Variants in PEX19 observed in about 807,000 individuals in gnomAD.
The protein encoded by PEX19 is 33 kDa housekeeping protein.
PEX19 carries 29 observed loss-of-function variants against 36.3 expected under a neutral mutation model. That is an observed-to-expected ratio of 0.80 (90% CI 0.60 to 1.09). PEX19 has a LOEUF of 1.09. Ranked by LOEUF, PEX19 falls within the 50% of genes least tolerant of loss-of-function variation. The pLI is 0.00. For synonymous variants in PEX19, 141 were observed against 135.2 expected, an observed-to-expected ratio of 1.04 and a Z score of -0.30; for missense variants, 396 against 368.1, an observed-to-expected ratio of 1.08 and a Z score of -0.62.
In PEX19 at chr1:160,279,490, G is replaced by T. The variant is rs936894572; in HGVS notation, c.*61C>A. On this transcript the variant is annotated 3_prime_UTR_variant, in exon 8 of 8. Transcript: ENST00000368072. ...TGACACTCCTGCCTCAGGTCCCAAT[G>T]GTTCTGCTGACTCCAGATGTTCCCC... 9 of 1,362,882 alleles carry T rather than the reference G, an allele frequency of 6.6e-6. No individual in the cohort carries two copies. Among genetic ancestry groups the T allele is most frequent in the Middle Eastern group, 2.2e-4 (1 of 4,622 alleles). 84.4% of individuals were successfully genotyped at this position (1,362,882 alleles called of 1,614,324 possible).
intron 5 of PEX19, among the ~76,000 whole-genome samples, chr1:160,281,749 AGAC>A (rs1290433888): frequency 2.0e-5 from 3 of 152,358 alleles, no homozygotes; most frequent in African/African-American, 7.2e-5. Flanking sequence ...AAGATTGATC[AGAC>A]AACAATCCCA....
In PEX19 at chr1:160,282,103, C is replaced by T. The variant is rs754784813; in HGVS notation, c.530G>A (p.Ser177Asn). 6.2e-7 allele frequency: 1 copy of T among 1,613,986 alleles called. No individual in the cohort carries two copies. Reference protein sequence around the residue: ...GEGNILPIMQSIMQNLLSKDV... With the variant: ...GEGNILPIMQNIMQNLLSKDV... Reference sequence around the variant, plus strand: ...CTTGGAGAGTAGGTTCTGCATAATACTCTGCATGATGGGGAGGATGTTCCC... The same window carrying T: ...CTTGGAGAGTAGGTTCTGCATAATATTCTGCATGATGGGGAGGATGTTCCC... The change falls in exon 5 of 8, where the codon AGT becomes AAT. Residue 177 changes from serine (S) to asparagine (N), a missense_variant. Physicochemically the swap from Ser to Asn is conservative, Grantham distance 46. Coordinates refer to ENST00000368072, the MANE Select transcript of PEX19 (RefSeq NM_002857.4).
At position 160,278,447 on chromosome 1, in the gene PEX19, C is replaced by T. The variant is rs1446519582; in HGVS notation, c.*1104G>A. ...CTAATATACCTCACTCTGCAACTTA[C>T]GGAAGCTGAGGAAGATCAGAAAAAG... On this transcript the variant is annotated 3_prime_UTR_variant, in exon 8 of 8. Coordinates refer to ENST00000368072, the MANE Select transcript of PEX19 (RefSeq NM_002857.4). 1.2e-5 allele frequency: 7 copies of T among 573,000 alleles called. No homozygotes were observed. Among genetic ancestry groups the T allele is most frequent in the African/African-American group, 3.7e-5 (2 of 54,006 alleles). 35.5% of individuals were successfully genotyped at this position (573,000 alleles called of 1,614,324 possible).
Position 160,283,010 on chromosome 1 carries a change from A to C in PEX19, c.280T>G (p.Leu94Val). ...TAEFEKAMKELAEEEPHLVEQ... is the reference protein window; with the variant it reads ...TAEFEKAMKEVAEEEPHLVEQ... The stretch of plus-strand genomic sequence containing the variant: ...ACCAGGTGGGGTTCTTCCTCAGCCA[A>C]CTCCTTCATTGCCTTCTCGAACTCC... The change falls in exon 3 of 8, where the codon TTG becomes GTG. Residue 94 changes from leucine (L) to valine (V), a missense_variant. Leu to Val is a conservative substitution (Grantham distance 32, BLOSUM62 1). Coordinates refer to ENST00000368072, the MANE Select transcript of PEX19 (RefSeq NM_002857.4). 2.5e-6 allele frequency: 4 copies of C among 1,613,884 alleles called. No homozygotes were observed. Among genetic ancestry groups the C allele is most frequent in the Non-Finnish European group, 3.4e-6 (4 of 1,179,960 alleles).
rs773981843 is a variant in PEX19 at position 160,278,889 on chromosome 1, G to A, written c.*662C>T. 5 of 454,068 alleles carry A rather than the reference G, an allele frequency of 1.1e-5. No homozygotes were observed. Among genetic ancestry groups the A allele is most frequent in the African/African-American group, 2.0e-5 (1 of 50,134 alleles). The allele number at this position is 454,068 out of a possible 1,614,324, so 28.1% of individuals were successfully genotyped here. On this transcript the variant is annotated 3_prime_UTR_variant, in exon 8 of 8. Transcript: ENST00000368072. The stretch of plus-strand genomic sequence containing the variant: ...CCCATATCACACAGCATTGTAGGAA[G>A]AAGCAGGGTAACCATTTGAGTTCTC...
intron 5 of PEX19, 140 bp from the exon 6 acceptor site, chr1:160,280,386 G>A: frequency 1.3e-6 from 1 of 796,054 alleles, no homozygotes. Context: ...ATCATGAAAA[G>A]CGGCACTGAC....
Position 160,280,148 on chromosome 1 carries a change from C to T in PEX19, c.693G>A (p.Gln231=), listed in dbSNP as rs761428198. ...QHSVMCKICE[Q]FEAETPTDSE... ...TGTCTGTGGGGGTCTCTGCCTCAAA[C>T]TGCTCACATATTTTGCACATGACGC... The change falls in exon 6 of 8, where the codon CAG becomes CAA. Residue 231 remains glutamine, a synonymous_variant. Transcript: ENST00000368072. The T allele has an allele frequency of 1.2e-6, 2 of 1,613,902 alleles. No individual in the cohort carries two copies. Among genetic ancestry groups the T allele is most frequent in the Non-Finnish European group, 1.7e-6 (2 of 1,179,892 alleles).
chr1:160,284,314 C>G, intron 1 of PEX19: 1 of 398,656 alleles, frequency 2.5e-6, no homozygotes, highest in South Asian at 1.9e-5. Context: ...CGTGATTGAG[C>G]AAGCGATTAC....
In PEX19 at chr1:160,277,767, GT is replaced by G. The variant is rs1319009099; in HGVS notation, c.*1783del. On this transcript the variant is annotated 3_prime_UTR_variant, in exon 8 of 8. Coordinates refer to ENST00000368072, the MANE Select transcript of PEX19 (RefSeq NM_002857.4). The stretch of plus-strand genomic sequence containing the variant: ...CCCTCCTCCTCTCTATCCTTGTCCA[GT>G]TTTTGGCTGGAGCTTTAAGGAGAAA... 1 of 474,246 alleles carries G rather than the reference GT, an allele frequency of 2.1e-6. No individual in the cohort carries two copies. Among genetic ancestry groups the G allele is most frequent in the Non-Finnish European group, 4.2e-6 (1 of 240,702 alleles). The allele number at this position is 474,246 out of a possible 1,614,324, so 29.4% of individuals were successfully genotyped here.
In PEX19 at chr1:160,285,046, G is replaced by T. The variant is rs367604409; in HGVS notation, c.70+9C>A. On this transcript the variant is annotated intron_variant, in intron 1 of 7. Coordinates refer to ENST00000368072, the MANE Select transcript of PEX19 (RefSeq NM_002857.4). Reference sequence around the variant, plus strand: ...CCCTCTTCGGGCCTTTCCCACTATGGGCTCTTACTTTCCAGAAGCTCCTCC... The same window carrying T: ...CCCTCTTCGGGCCTTTCCCACTATGTGCTCTTACTTTCCAGAAGCTCCTCC... The T allele has an allele frequency of 6.9e-6, 11 of 1,604,956 alleles. No homozygotes were observed. Among genetic ancestry groups the T allele is most frequent in the Admixed American group, 1.7e-5 (1 of 59,986 alleles).
intron 5 of PEX19, 51 bp from the exon 6 acceptor site, chr1:160,280,297 G>T: frequency 6.8e-7 from 1 of 1,477,162 alleles, no homozygotes; most frequent in Non-Finnish European, 9.5e-7. Context: ...AATGGATATG[G>T]ATGGGTAATC....
chr1:160,282,696 A>T, intron 3 of PEX19, 194 bp from the exon 4 acceptor site: 1 of 676,812 alleles, frequency 1.5e-6, no homozygotes, highest in Non-Finnish European at 2.6e-6. Flanking sequence ...TTTATTCTCC[A>T]TGATGATACC....
rs115571640 is a variant in PEX19, at chr1:160,281,884, C to A, written c.594+155G>T. Reference sequence around the variant, plus strand: ...TTTATTCTCTCAGAGACACAACTCTCCCCAACCCCCAACTCTCCCTGCCTC... The same window carrying A: ...TTTATTCTCTCAGAGACACAACTCTACCCAACCCCCAACTCTCCCTGCCTC... On this transcript the variant is annotated intron_variant, in intron 5 of 7. Coordinates refer to ENST00000368072, the MANE Select transcript of PEX19 (RefSeq NM_002857.4). Among the ~76,000 whole-genome samples the A allele has an allele frequency of 0.029, 4,353 of 152,206 alleles. 206 individuals carry two copies. The highest frequency in any genetic ancestry group is 0.1 in the African/African-American group (4,145 of 41,494).
In PEX19 at chr1:160,279,257, A is replaced by G. The variant is rs1224116484; in HGVS notation, c.*294T>C. On this transcript the variant is annotated 3_prime_UTR_variant, in exon 8 of 8. Coordinates refer to ENST00000368072, the MANE Select transcript of PEX19 (RefSeq NM_002857.4). ...ATATAACATTATTTTGAGAAAGGAAAGAAAGTGCATGCCCCAAAAGGGATG... is the reference window on the plus strand; with the variant it reads ...ATATAACATTATTTTGAGAAAGGAAGGAAAGTGCATGCCCCAAAAGGGATG... 1 of 578,914 alleles carries G rather than the reference A, an allele frequency of 1.7e-6. No homozygotes were observed. Among genetic ancestry groups the G allele is most frequent in the Non-Finnish European group, 3.2e-6 (1 of 308,210 alleles). 35.9% of individuals were successfully genotyped at this position (578,914 alleles called of 1,614,324 possible).
chr1:160,282,447 A>G lies in PEX19; in HGVS notation c.402T>C (p.Ser134=), dbSNP rs139828188. The G allele has an allele frequency of 7.6e-4, 1,222 of 1,614,128 alleles. No individual in the cohort carries two copies. Among genetic ancestry groups the G allele is most frequent in the Non-Finnish European group, 9.8e-4 (1,159 of 1,179,972 alleles). ...EFTSCLKETL[S]GLAKNATDLQ... The stretch of plus-strand genomic sequence containing the variant: ...GGTCAGTGGCATTTTTGGCTAATCC[A>G]CTTAGTGTTTCCTTTAGGCAAGAAG... Residue 134 remains serine, a synonymous_variant, in exon 4 of 8, where the codon AGT becomes AGC. Transcript: ENST00000368072.
Position 160,278,096 on chromosome 1 carries a change from C to A in PEX19, c.*1455G>T. 1 of 702,506 alleles carries A rather than the reference C, an allele frequency of 1.4e-6. No homozygotes were observed. The allele number at this position is 702,506 out of a possible 1,614,324, so 43.5% of individuals were successfully genotyped here. A position where few individuals can be genotyped will look rare whatever the true frequency, so the allele number is the denominator to read the frequency against. The stretch of plus-strand genomic sequence containing the variant: ...TGGAGAGACTTATCTTCTGAGTGAA[C>A]CAGGACAGCCAGCTGAGCTGACCAG... On this transcript the variant is annotated 3_prime_UTR_variant, in exon 8 of 8. Transcript: ENST00000368072.
rs1334997035 is a variant in PEX19 at position 160,282,482 on chromosome 1, G to C, written c.367C>G (p.Gln123Glu). ...GRVGSDMTSQ[Q>E]EFTSCLKETL... ...TCCTTTAGGCAAGAAGTGAATTCTT[G>C]TTGGGAGGTCATATCACTGCCTAGG... is the stretch of plus-strand genomic sequence containing the variant. The change falls in exon 4 of 8, where the codon CAA becomes GAA. Residue 123 changes from glutamine (Q) to glutamate (E), a missense_variant. Gln to Glu is a conservative substitution (Grantham distance 29). Transcript: ENST00000368072. 10 of 1,613,966 alleles carry C rather than the reference G, an allele frequency of 6.2e-6. No individual in the cohort carries two copies. The highest frequency in any genetic ancestry group is 5.9e-6 in the Non-Finnish European group (7 of 1,179,846).
chr1:160,280,394 G>T, intron 5 of PEX19, 148 bp from the exon 6 acceptor site: 2 of 750,026 alleles, frequency 2.7e-6, no homozygotes, highest in Non-Finnish European at 4.7e-6. Flanking sequence ...AAGCGGCACT[G>T]ACTCCAACCA....
intron 4 of PEX19, 59 bp downstream of exon 4, chr1:160,282,356 ACT>A (rs1441960173): frequency 6.9e-7 from 1 of 1,458,450 alleles, no homozygotes; most frequent in Non-Finnish European, 9.6e-7. Context: ...GTCTTTTGAG[ACT>A]CTGCTGGAGA....
Sources: gnomAD v4.1 joint callset for allele counts (sites outside exome capture counted in the v4.1 genomes callset) on GRCh38, gnomAD v4.1.1 for gene constraint, MANE v1.5 for transcripts, NCBI Gene and HGNC (gene_info 2026-07-23, HGNC 2026-07-21) for gene names.